The following AK8 variants were observed in gnomAD, a reference collection of about 807,000 sequenced individuals.
AK8 encodes the protein adenylate kinase 8.
In AK8, 44 loss-of-function variants were observed where a neutral mutation model predicts 54.6. That is an observed-to-expected ratio of 0.81 (90% CI 0.63 to 1.04). The LOEUF (loss-of-function observed/expected upper bound fraction) is 1.04, where lower values mean the gene tolerates loss of function less well. Ranked by LOEUF, AK8 falls within the 50% of genes least tolerant of loss-of-function variation. The pLI is 0.00. For missense variants in AK8, 555 were observed against 613.6 expected, an observed-to-expected ratio of 0.90 and a Z score of 1.01; for synonymous variants, 239 against 245.6, an observed-to-expected ratio of 0.97 and a Z score of 0.25.
intron 9 of AK8, among the ~76,000 whole-genome samples, chr9:132,816,321 C>T (rs1200344290): frequency 6.7e-6 from 1 of 150,318 alleles, no homozygotes; most frequent in East Asian, 2.0e-4. Flanking sequence ...CACCACTACA[C>T]TCCAGCCTGG....
chr9:132,793,524 C>A (rs998738243), intron 10 of AK8, among the ~76,000 whole-genome samples: 5 of 152,208 alleles, frequency 3.3e-5, no homozygotes, highest in Non-Finnish European at 7.3e-5. Context: ...GCAACGCCCA[C>A]TCCCCTTTCC....
chr9:132,826,913 T>C lies in AK8; in HGVS notation c.698A>G (p.Tyr233Cys). ...ACTGATGACTTTGAGGATTTTGGGG[T>C]AGGAGGGAATGACCCTGACGATGTT... ...HRNIVRVIPS[Y>C]PKILKVISAD... Residue 233 changes from tyrosine to cysteine, a missense_variant, in exon 8 of 13, where the codon TAC becomes TGC. Coordinates refer to ENST00000298545, the MANE Select transcript of AK8 (RefSeq NM_152572.3). The surrounding 1 kb of genome is among the most constrained non-coding windows in gnomAD (Gnocchi z 4.5). 1 of 1,614,130 alleles carries C rather than the reference T, an allele frequency of 6.2e-7. No individual in the cohort carries two copies. Among genetic ancestry groups the C allele is most frequent in the South Asian group, 1.1e-5 (1 of 91,078 alleles).
At chr9:132,839,081 T>C (rs568568396) in intron 5 of AK8, among the ~76,000 whole-genome samples, 1 of 152,058 alleles carries the variant, frequency 6.6e-6, no homozygotes, top group South Asian at 2.1e-4. Context: ...GTAGTTAGGA[T>C]TACAGGCGCC....
chr9:132,862,025 G>C (rs1001333255), intron 4 of AK8, among the ~76,000 whole-genome samples: 1 of 152,168 alleles, frequency 6.6e-6, no homozygotes, highest in Non-Finnish European at 1.5e-5. Context: ...CCTCTCTGTT[G>C]AATTTTATAA....
intron 11 of AK8, among the ~76,000 whole-genome samples, chr9:132,768,096 G>A (rs1410092442): frequency 2.6e-5 from 4 of 152,152 alleles, no homozygotes; most frequent in African/African-American, 9.7e-5. Flanking sequence ...AGCCAGAAGA[G>A]ATTTGAAATG....
Position 132,818,800 on chromosome 9 carries a change from A to G in AK8, c.890-4073T>C, listed in dbSNP as rs188997842. On this transcript the variant is annotated intron_variant, in intron 9 of 12. Coordinates refer to ENST00000298545, the MANE Select transcript of AK8 (RefSeq NM_152572.3). ...GAGTTTGAGGGTGCAACGAGCTATG[A>G]TTGCACCACTGTACTCCAGCCAGGG... Among the ~76,000 whole-genome samples the G allele has an allele frequency of 4.1e-3, 626 of 151,952 alleles. 5 individuals carry two copies. Among genetic ancestry groups the G allele is most frequent in the Non-Finnish European group, 5.8e-3 (391 of 67,994 alleles).
chr9:132,755,062 G>A (rs986301021), intron 11 of AK8, among the ~76,000 whole-genome samples: 1 of 152,282 alleles, frequency 6.6e-6, no homozygotes, highest in Non-Finnish European at 1.5e-5. Context: ...GCCTCCTAAA[G>A]TGATGGGATT....
In AK8 at chr9:132,725,944, A is replaced by G; in HGVS notation, c.1203-19T>C. The G allele has an allele frequency of 1.9e-6, 3 of 1,604,446 alleles. No homozygotes were observed. The highest frequency in any genetic ancestry group is 2.6e-6 in the Non-Finnish European group (3 of 1,174,532). ...GTGGTACCTGCAAGGGAGGAAGGAA[A>G]GCAGGTGACCCATGGCCTGGCCTGG... On this transcript the variant is annotated intron_variant, in intron 12 of 12. Transcript: ENST00000298545.
At chr9:132,868,070 C>T (rs1843673971) in intron 2 of AK8, among the ~76,000 whole-genome samples, 1 of 152,198 alleles carries the variant, frequency 6.6e-6, no homozygotes, top group South Asian at 2.1e-4. Flanking sequence ...GTAACCTTGG[C>T]CTGGCCCCTG....
rs761499555 is a variant in AK8 at position 132,878,231 on chromosome 9, G to A, written c.25C>T (p.Arg9Cys). 6.3e-6 allele frequency: 9 copies of A among 1,434,462 alleles called. No homozygotes were observed. The highest frequency in any genetic ancestry group is 1.9e-4 in the Middle Eastern group (1 of 5,190). 88.9% of individuals were successfully genotyped at this position (1,434,462 alleles called of 1,614,324 possible). A position where few individuals can be genotyped will look rare whatever the true frequency, so the allele number is the denominator to read the frequency against. Residue 9 changes from arginine (R) to cysteine (C), a missense_variant, in exon 1 of 13, where the codon CGT (arginine) becomes TGT (cysteine). Arg to Cys is a radical substitution (Grantham distance 180). Transcript: ENST00000298545. This position sits in a 1 kb window ranked among gnomAD's most constrained non-coding sequence, Gnocchi z 4.7. MDATIAPH[R>C]IPPEMPQYGE... Reference sequence around the variant, plus strand: ...TACTGGGGCATCTCGGGGGGGATACGGTGCGGGGCGATAGTGGCGTCCATG... The same window carrying A: ...TACTGGGGCATCTCGGGGGGGATACAGTGCGGGGCGATAGTGGCGTCCATG...
chr9:132,790,328 G>T lies in AK8; in HGVS notation c.1121+2306C>A, dbSNP rs2131160336. ...CGCAGTGGCGTGATCTCAGCTCACT[G>T]CAAACTCCGCCTCCTGGGTTCACAC... On this transcript the variant is annotated intron_variant, in intron 11 of 12. Transcript: ENST00000298545. This position sits in a 1 kb window ranked among gnomAD's most constrained non-coding sequence, Gnocchi z 4.1. Among the ~76,000 whole-genome samples, 1 of 151,864 alleles carries T rather than the reference G, an allele frequency of 6.6e-6. No homozygotes were observed. The highest frequency in any genetic ancestry group is 1.5e-5 in the Non-Finnish European group (1 of 67,968).
intron 11 of AK8, among the ~76,000 whole-genome samples, chr9:132,771,320 T>C (rs187234850): frequency 6.6e-6 from 1 of 152,146 alleles, no homozygotes; most frequent in Admixed American, 6.5e-5. Flanking sequence ...CTATGGCAGA[T>C]GGTGGTCAGG....
intron 11 of AK8, among the ~76,000 whole-genome samples, chr9:132,733,295 T>C (rs1246229457): frequency 6.6e-6 from 1 of 151,190 alleles, no homozygotes; most frequent in African/African-American, 2.4e-5. Flanking sequence ...CTTTCATCCC[T>C]GACGCTGTGA....
At chr9:132,730,097 AG>A (rs1490395013) in intron 11 of AK8, among the ~76,000 whole-genome samples, 2 of 152,184 alleles carry the variant, frequency 1.3e-5, no homozygotes, top group East Asian at 3.8e-4. Context: ...ATATGGTTTC[AG>A]GAGGGGCCTA....
intron 4 of AK8, among the ~76,000 whole-genome samples, chr9:132,859,101 G>A (rs1332659489): frequency 6.6e-6 from 1 of 152,220 alleles, no homozygotes; most frequent in Non-Finnish European, 1.5e-5. Context: ...AGAAATGGGA[G>A]CAGCAAGGCC....
rs768297504 is a variant in AK8 at position 132,739,441 on chromosome 9, C to CAAA, written c.1122-11910_1122-11908dup. Among the ~76,000 whole-genome samples the CAAA allele has an allele frequency of 7.4e-4, 23 of 31,172 alleles. 4 individuals are homozygous for CAAA. The highest frequency in any genetic ancestry group is 1.7e-3 in the African/African-American group (12 of 6,916). 20.5% of individuals were successfully genotyped at this position (31,172 alleles called of 152,430 possible). ...TGGGCAACAGAGAGTGACTCTGTCT[C>CAAA]AAAAAAAAAAAAAAAAAAAAAAAAA... is the stretch of plus-strand genomic sequence containing the variant. On this transcript the variant is annotated intron_variant, in intron 11 of 12. Transcript: ENST00000298545.
intron 8 of AK8, among the ~76,000 whole-genome samples, chr9:132,825,452 T>C (rs1841832157): frequency 1.3e-5 from 2 of 152,236 alleles, no homozygotes; most frequent in African/African-American, 4.8e-5. Flanking sequence ...TTCAGAATCA[T>C]GGCATAAGAT....
intron 1 of AK8, 93 bp from the exon 2 acceptor site, chr9:132,875,292 C>T (rs1844044926): frequency 6.5e-6 from 10 of 1,536,532 alleles, no homozygotes; most frequent in Non-Finnish European, 7.9e-6. Flanking sequence ...CTCTCCACTG[C>T]ACCCCACCAA....
chr9:132,808,101 C>A (rs1380135894), intron 10 of AK8, among the ~76,000 whole-genome samples: 2 of 152,072 alleles, frequency 1.3e-5, no homozygotes, highest in Admixed American at 1.3e-4. Flanking sequence ...CAGCTGAGAA[C>A]TTATTTTTCC....
Sources: allele counts gnomAD v4.1 joint callset (sites outside exome capture counted in the v4.1 genomes callset), GRCh38; gene constraint gnomAD v4.1.1; non-coding constraint Gnocchi (gnomAD v3.1); transcripts MANE v1.5; gene names NCBI Gene and HGNC (gene_info 2026-07-23, HGNC 2026-07-21).